The following MANEA variants were observed in gnomAD, a reference collection of about 807,000 sequenced individuals.
The protein encoded by MANEA is glycoprotein endo-alpha-1,2-mannosidase.
A neutral mutation model predicts 36.8 loss-of-function variants in MANEA; 25 were observed. The ratio of observed to expected loss-of-function variants is 0.68; its 90% confidence interval spans 0.50 to 0.95. The LOEUF is 0.95. Among genes scored for constraint, MANEA ranks in the 40% least tolerant of loss-of-function variants. MANEA has a pLI of 0.00. For synonymous variants in MANEA, 198 were observed against 188.5 expected, an observed-to-expected ratio of 1.05 and a Z score of -0.41; for missense variants, 565 against 558.8, an observed-to-expected ratio of 1.01 and a Z score of -0.11.
intron 1 of MANEA, among the ~76,000 whole-genome samples, chr6:95,585,927 C>T (rs1343110238): frequency 6.6e-6 from 1 of 152,052 alleles, no homozygotes; most frequent in African/African-American, 2.4e-5. Context: ...ATGTGGGAGG[C>T]TGAGACAGGA....
intron 2 of MANEA, among the ~76,000 whole-genome samples, chr6:95,596,192 G>C (rs1769478759): frequency 6.6e-6 from 1 of 152,012 alleles, no homozygotes; most frequent in African/African-American, 2.4e-5. Context: ...GGGGGAGAGG[G>C]AACGGGGATG....
In MANEA at chr6:95,590,261, T is replaced by C. The variant is rs1191174601; in HGVS notation, c.544+3278T>C. ...AACTGCTACATTTAGCAAAACATAA[T>C]GTACTCTATGACTTTAAAATTATCT... is the stretch of plus-strand genomic sequence containing the variant. On this transcript the variant is annotated intron_variant, in intron 2 of 4. Transcript: ENST00000358812. 2.6e-5 allele frequency: 4 copies of C among 152,336 alleles called. 1 individual carries two copies. The highest frequency in any genetic ancestry group is 9.6e-5 in the African/African-American group (4 of 41,584). The allele number at this position is 152,336 out of a possible 1,614,324, so 9.4% of individuals were successfully genotyped here.
intron 1 of MANEA, 82 bp downstream of exon 1, chr6:95,577,720 G>C (rs1769094891): frequency 6.6e-6 from 1 of 152,286 alleles, no homozygotes; most frequent in African/African-American, 2.4e-5. Context: ...GCGGGCGCCT[G>C]CGCGCTCGCC....
chr6:95,582,547 A>G (rs1457073609), intron 1 of MANEA, among the ~76,000 whole-genome samples: 1 of 152,186 alleles, frequency 6.6e-6, no homozygotes, highest in African/African-American at 2.4e-5. Context: ...TTCACTTCAC[A>G]GAGTCATGTA....
rs1279343235 is a variant in MANEA at position 95,606,472 on chromosome 6, TCTGGAAAGAAAA to T, written c.*71_*82del. The T allele has an allele frequency of 3.3e-6, 4 of 1,210,842 alleles. No homozygotes were observed. Among genetic ancestry groups the T allele is most frequent in the Non-Finnish European group, 4.5e-6 (4 of 882,376 alleles). 75.0% of individuals were successfully genotyped at this position (1,210,842 alleles called of 1,614,324 possible). On this transcript the variant is annotated 3_prime_UTR_variant, in exon 5 of 5. Transcript: ENST00000358812. ...TTTAAAAATAGCTTTCGTTTTGAGT[TCTGGAAAGAAAA>T]CTGTCAAAATCAGTATATACTATTA... is the stretch of plus-strand genomic sequence containing the variant.
chr6:95,581,723 T>C (rs1769186168), intron 1 of MANEA, among the ~76,000 whole-genome samples: 1 of 152,224 alleles, frequency 6.6e-6, no homozygotes, highest in African/African-American at 2.4e-5. Context: ...TCTTGATCTT[T>C]CATGAATCTC....
intron 1 of MANEA, among the ~76,000 whole-genome samples, chr6:95,580,939 G>A (rs879694304): frequency 1.5e-4 from 23 of 152,064 alleles, no homozygotes; most frequent in Admixed American, 5.2e-4. Flanking sequence ...ATTGCTTGTC[G>A]GACACCCATC....
chr6:95,604,452 AAAG>A (rs946816973), intron 3 of MANEA, among the ~76,000 whole-genome samples: 1 of 152,016 alleles, frequency 6.6e-6, no homozygotes, highest in African/African-American at 2.4e-5. Flanking sequence ...GTAAACATAA[AAAG>A]AAGCATTGCA....
intron 2 of MANEA, among the ~76,000 whole-genome samples, chr6:95,587,605 A>G (rs1486338685): frequency 6.6e-6 from 1 of 152,150 alleles, no homozygotes; most frequent in Non-Finnish European, 1.5e-5. Context: ...TCAATAGCTT[A>G]GTCATTTTTA....
intron 1 of MANEA, 62 bp downstream of exon 1, chr6:95,577,700 G>C (rs1562193381): frequency 6.6e-6 from 1 of 152,236 alleles, no homozygotes; most frequent in Non-Finnish European, 1.5e-5. Context: ...CGGCAGGCAC[G>C]AGGTCCACCG....
At chr6:95,588,977 T>G (rs1769336314) in intron 2 of MANEA, among the ~76,000 whole-genome samples, 1 of 151,994 alleles carries the variant, frequency 6.6e-6, no homozygotes, top group South Asian at 2.1e-4. Context: ...ATATGAACAT[T>G]AATTATTTCT....
At chr6:95,604,061 G>GGGGT (rs369467389) in intron 3 of MANEA, among the ~76,000 whole-genome samples, 22 of 138,382 alleles carry the variant, frequency 1.6e-4, no homozygotes, top group African/African-American at 2.7e-4. Context: ...TATGTATGTA[G>GGGGT]GTGTGTGTGT....
At chr6:95,582,503 T>C (rs922963146) in intron 1 of MANEA, among the ~76,000 whole-genome samples, 15 of 152,152 alleles carry the variant, frequency 9.9e-5, no homozygotes, top group Non-Finnish European at 1.6e-4. Context: ...TACCTGTTAG[T>C]GCAACAGGAC....
At position 95,607,891 on chromosome 6, in the gene MANEA, C is replaced by T. The variant is rs1022586467; in HGVS notation, c.*1486C>T. 18 of 151,420 alleles carry T rather than the reference C, an allele frequency of 1.2e-4. No individual in the cohort carries two copies. The highest frequency in any genetic ancestry group is 4.1e-4 in the African/African-American group (17 of 41,330). 9.4% of individuals were successfully genotyped at this position (151,420 alleles called of 1,614,324 possible). A position where few individuals can be genotyped will look rare whatever the true frequency, so the allele number is the denominator to read the frequency against. On this transcript the variant is annotated 3_prime_UTR_variant, in exon 5 of 5. Coordinates refer to ENST00000358812, the MANE Select transcript of MANEA (RefSeq NM_024641.4). ...GAGTATAAAGACATCCATTCAGAAACAAAAATTAGCACTAAATTTTTTATA... is the reference window on the plus strand; with the variant it reads ...GAGTATAAAGACATCCATTCAGAAATAAAAATTAGCACTAAATTTTTTATA...
intron 3 of MANEA, among the ~76,000 whole-genome samples, chr6:95,597,720 G>A (rs1299789264): frequency 6.6e-6 from 1 of 151,964 alleles, no homozygotes; most frequent in East Asian, 1.9e-4. Flanking sequence ...ATAGCACTGA[G>A]ATTATTGCAT....
At chr6:95,580,222 A>G (rs1769153562) in intron 1 of MANEA, among the ~76,000 whole-genome samples, 1 of 151,840 alleles carries the variant, frequency 6.6e-6, no homozygotes, top group East Asian at 1.9e-4. Flanking sequence ...AGATATACAT[A>G]TATATATATA....
At chr6:95,598,505 A>C (rs370779883) in intron 3 of MANEA, among the ~76,000 whole-genome samples, 1 of 152,162 alleles carries the variant, frequency 6.6e-6, no homozygotes, top group Non-Finnish European at 1.5e-5. Context: ...CTCCAGCTTC[A>C]CTAGAGTGAA....
intron 2 of MANEA, among the ~76,000 whole-genome samples, chr6:95,593,967 CAGGAGA>C (rs751889132): frequency 1.3e-5 from 2 of 151,900 alleles, no homozygotes; most frequent in Non-Finnish European, 2.9e-5. Flanking sequence ...TAGAATGAGG[CAGGAGA>C]ATCACTTGAA....
intron 1 of MANEA, among the ~76,000 whole-genome samples, chr6:95,583,209 G>T (rs954636036): frequency 1.3e-5 from 2 of 152,170 alleles, no homozygotes; most frequent in Non-Finnish European, 2.9e-5. Flanking sequence ...GGAGGGAACT[G>T]ATGTGATGGA....
Sources: allele counts gnomAD v4.1 joint callset (sites outside exome capture counted in the v4.1 genomes callset), GRCh38; gene constraint gnomAD v4.1.1; transcripts MANE v1.5; gene names NCBI Gene and HGNC (gene_info 2026-07-23, HGNC 2026-07-21).